The following PCDHGA4 variants were observed in gnomAD, a reference collection of about 807,000 sequenced individuals.
The protein encoded by PCDHGA4 is protocadherin gamma-A4.
In PCDHGA4, 38 loss-of-function variants were observed where a neutral mutation model predicts 54.6. The observed-to-expected ratio is 0.70, with a 90% CI of 0.54 to 0.91. The LOEUF is 0.91. PCDHGA4 is among the 40% of genes least tolerant of loss of function. The probability of loss-of-function intolerance (pLI) is 0.00; values close to 1 mark genes in which losing one functional copy is unlikely to be tolerated. For missense variants in PCDHGA4, 1,298 were observed against 1,220.9 expected (o/e 1.06, Z -0.94); for synonymous variants, 511 against 512.9 (o/e 1.00, Z 0.05).
At chr5:141,388,115 G>C (rs747417828) in intron 1 of PCDHGA4, 1 of 1,410,070 alleles carries the variant, frequency 7.1e-7, no homozygotes. Flanking sequence ...ACTTCACCGT[G>C]AGCGCAGAGA....
chr5:141,418,542 T>G, intron 1 of PCDHGA4: 1 of 1,614,028 alleles, frequency 6.2e-7, no homozygotes, highest in Non-Finnish European at 8.5e-7. Flanking sequence ...ACTGCTCAGA[T>G]AAGAATCCTG....
chr5:141,487,123 T>C lies in PCDHGA4; in HGVS notation c.2515-7684T>C. 6.2e-7 allele frequency: 1 copy of C among 1,614,086 alleles called. No homozygotes were observed. The highest frequency in any genetic ancestry group is 1.1e-5 in the South Asian group (1 of 91,082). On this transcript the variant is annotated intron_variant, in intron 1 of 3. Coordinates refer to ENST00000571252, the MANE Select transcript of PCDHGA4 (RefSeq NM_018917.4). The surrounding 1 kb of genome is among the most constrained non-coding windows in gnomAD (Gnocchi z 5.0). ...AGCTGGTCATTGTGGTAAAGGATAG[T>C]GGTAGTCCACCACTCTCTACCTCTG...
At chr5:141,365,361 C>T (rs1223911772) in intron 1 of PCDHGA4, 6 of 1,613,832 alleles carry the variant, frequency 3.7e-6, no homozygotes, top group Admixed American at 1.7e-5. Context: ...AATGACAATG[C>T]CCCCGAAGTG....
At chr5:141,452,951 G>A (rs1397204185) in intron 1 of PCDHGA4, among the ~76,000 whole-genome samples, 1 of 152,154 alleles carries the variant, frequency 6.6e-6, no homozygotes, top group Admixed American at 6.6e-5. Context: ...GCAATTGGTT[G>A]TCTTTAAACT....
rs534823543 is a variant in PCDHGA4, at chr5:141,383,535, C to T, written c.2514+25914C>T. ...AAGAGCGGGTTCACCACCTGGTCCT[C>T]ACAGCCTCTGATGGCGGCGACCCGC... On this transcript the variant is annotated intron_variant, in intron 1 of 3. Transcript: ENST00000571252. The T allele has an allele frequency of 1.9e-5, 31 of 1,612,472 alleles. No individual in the cohort carries two copies. The African/African-American group carries it at 3.7e-4, about 19-fold the overall frequency.
At chr5:141,375,640 C>G (rs1375647493) in intron 1 of PCDHGA4, 1 of 1,614,226 alleles carries the variant, frequency 6.2e-7, no homozygotes, top group Non-Finnish European at 8.5e-7. Context: ...CCCTGCGCTC[C>G]TTCGACTATG....
chr5:141,409,571 T>TACGTGGTCC (rs2095286242), intron 1 of PCDHGA4: 2 of 1,613,932 alleles, frequency 1.2e-6, no homozygotes, highest in East Asian at 4.5e-5. Context: ...CCAGACGTCC[T>TACGTGGTCC]ACGTGGTCCA....
At position 141,491,744 on chromosome 5, in the gene PCDHGA4, C is replaced by T; in HGVS notation, c.2515-3063C>T. 6.3e-7 allele frequency: 1 copy of T among 1,592,720 alleles called. No individual in the cohort carries two copies. Among genetic ancestry groups the T allele is most frequent in the African/African-American group, 1.3e-5 (1 of 74,122 alleles). Reference sequence around the variant, plus strand: ...CCCCGGGCGACCCCTGGGGGCGGCACTGGAGAAGCCGCCCGTCCTCATAAG... The same window carrying T: ...CCCCGGGCGACCCCTGGGGGCGGCATTGGAGAAGCCGCCCGTCCTCATAAG... On this transcript the variant is annotated intron_variant, in intron 1 of 3. Transcript: ENST00000571252. The surrounding 1 kb of genome is among the most constrained non-coding windows in gnomAD (Gnocchi z 6.9).
chr5:141,460,686 C>A (rs2098995566), intron 1 of PCDHGA4, among the ~76,000 whole-genome samples: 1 of 151,698 alleles, frequency 6.6e-6, no homozygotes, highest in Admixed American at 6.6e-5. Context: ...TCTATATATC[C>A]ACCAACAGTT....
chr5:141,454,796 A>ATTTTTTTTTTTTTTTTTTTTTTTTTTTT (rs61612330), intron 1 of PCDHGA4, among the ~76,000 whole-genome samples: 3 of 77,456 alleles, frequency 3.9e-5, no homozygotes, highest in Admixed American at 1.8e-4. Flanking sequence ...CATGGTTCTA[A>ATTTTTTTTTTTTTTTTTTTTTTTTTTTT]TTTTTTTTTT....
chr5:141,358,018 A>G (rs753079892), intron 1 of PCDHGA4, among the ~76,000 whole-genome samples: 4 of 152,092 alleles, frequency 2.6e-5, no homozygotes, highest in African/African-American at 4.8e-5. Context: ...GGTGAAACCC[A>G]GTCTCTACTA....
chr5:141,487,905 G>C lies in PCDHGA4; in HGVS notation c.2515-6902G>C. The C allele has an allele frequency of 1.5e-6, 1 of 686,388 alleles. No individual in the cohort carries two copies. 42.5% of individuals were successfully genotyped at this position (686,388 alleles called of 1,614,324 possible). On this transcript the variant is annotated intron_variant, in intron 1 of 3. Transcript: ENST00000571252. This position sits in a 1 kb window ranked among gnomAD's most constrained non-coding sequence, Gnocchi z 5.0. ...GTGGAAGCATGATGATGGAATGTGG[G>C]AGCACAGGAGGCTACAGTGCACAGG...
intron 1 of PCDHGA4, among the ~76,000 whole-genome samples, chr5:141,459,546 C>T (rs575349914): frequency 9.9e-5 from 15 of 152,102 alleles, no homozygotes; most frequent in African/African-American, 3.6e-4. Flanking sequence ...TTTTTTATTT[C>T]TCTTGGATAA....
intron 1 of PCDHGA4, chr5:141,395,513 C>T: frequency 2.4e-6 from 1 of 420,938 alleles, no homozygotes; most frequent in South Asian, 3.5e-5. Context: ...GAAGTAGCTA[C>T]CCGTCCATAC....
intron 1 of PCDHGA4, chr5:141,362,139 G>A (rs1162182295): frequency 1.2e-6 from 2 of 1,614,030 alleles, no homozygotes; most frequent in Admixed American, 1.7e-5. Flanking sequence ...CGGATAGCCT[G>A]CAAGAGGTAT....
chr5:141,449,165 G>A (rs144669334), intron 1 of PCDHGA4, among the ~76,000 whole-genome samples: 3 of 152,234 alleles, frequency 2.0e-5, no homozygotes, highest in Admixed American at 1.3e-4. Context: ...GGAAATAGGT[G>A]TAATTTTCTT....
chr5:141,384,666 C>CA, intron 1 of PCDHGA4: 2 of 1,614,220 alleles, frequency 1.2e-6, no homozygotes, highest in Non-Finnish European at 1.7e-6. Flanking sequence ...ACCTGGTGAC[C>CA]AAGGTGGTGG....
At chr5:141,375,879 G>C in intron 1 of PCDHGA4, 1 of 1,613,144 alleles carries the variant, frequency 6.2e-7, no homozygotes, top group Non-Finnish European at 8.5e-7. Flanking sequence ...AGAGACTCGG[G>C]CCAGAACGCC....
At chr5:141,366,224 C>T in intron 1 of PCDHGA4, 1 of 1,613,840 alleles carries the variant, frequency 6.2e-7, no homozygotes, top group East Asian at 2.2e-5. Context: ...AGCGCGAGCC[C>T]TGCTGGACAG....
Sources: allele counts gnomAD v4.1 joint callset (sites outside exome capture counted in the v4.1 genomes callset), GRCh38; gene constraint gnomAD v4.1.1; non-coding constraint Gnocchi (gnomAD v3.1); transcripts MANE v1.5; gene names NCBI Gene and HGNC (gene_info 2026-07-23, HGNC 2026-07-21).